ANXA8: variants seen among roughly 807,000 people sequenced by gnomAD.
ANXA8 encodes the protein VAC-beta.
A neutral mutation model predicts 26.8 loss-of-function variants in ANXA8; 9 were observed. The ratio of observed to expected loss-of-function variants is 0.34; its 90% CI spans 0.20 to 0.59. The LOEUF (loss-of-function observed/expected upper bound fraction) is 0.59. Among genes scored for constraint, ANXA8 ranks in the 20% least tolerant of loss-of-function variants. The probability of loss-of-function intolerance (pLI) is 0.84; values close to 1 mark genes in which losing one functional copy is unlikely to be tolerated. For synonymous variants in ANXA8, 39 were observed against 94.8 expected (o/e 0.41, Z 3.42); for missense variants, 83 against 238.5 (o/e 0.35, Z 4.29).
chr10:47,566,319 C>G, the ANXA8 span, among the ~76,000 whole-genome samples: 16 of 150,178 alleles, frequency 1.1e-4, no homozygotes, highest in African/African-American at 3.4e-4. Flanking sequence ...TCCCCCGCCC[C>G]AGAAAACACT....
the ANXA8 span, among the ~76,000 whole-genome samples, chr10:47,743,257 T>TAC: frequency 7.8e-6 from 1 of 128,726 alleles, no homozygotes; most frequent in Non-Finnish European, 1.6e-5. Flanking sequence ...TATATATATA[T>TAC]ATATATACAT....
chr10:47,518,660 CA>C, the ANXA8 span, among the ~76,000 whole-genome samples: 1 of 118,528 alleles, frequency 8.4e-6, no homozygotes, highest in South Asian at 2.8e-4. Context: ...GTGATCCACC[CA>C]CCTCAGCCTC....
chr10:47,937,124 C>G, the ANXA8 span, among the ~76,000 whole-genome samples: 1 of 149,842 alleles, frequency 6.7e-6, no homozygotes, highest in Non-Finnish European at 1.5e-5. Flanking sequence ...CCCAGATCAC[C>G]CCCTACAATG....
At chr10:47,554,036 C>G in the ANXA8 span, among the ~76,000 whole-genome samples, 1 of 148,524 alleles carries the variant, frequency 6.7e-6, no homozygotes, top group African/African-American at 2.5e-5. Context: ...TTTTGGGAGG[C>G]CGAGGCAGGA....
At chr10:47,485,439 A>G (rs1466424869), upstream of ANXA8, among the ~76,000 whole-genome samples, 2 of 152,000 alleles carry the variant, frequency 1.3e-5, no homozygotes, top group Non-Finnish European at 2.9e-5. Flanking sequence ...AAACCAGGAT[A>G]TAAGGTTCAG....
the ANXA8 span, chr10:47,569,763 T>TTTTGTTGTTTTGTTTTGTTTTG: frequency 1.3e-5 from 1 of 76,416 alleles, no homozygotes; most frequent in Non-Finnish European, 2.8e-5. Flanking sequence ...TTTTTTTTTT[T>TTTTGTTGTTTTGTTTTGTTTTG]TTTTTGAGAC....
the ANXA8 span, among the ~76,000 whole-genome samples, chr10:47,703,227 T>C: frequency 1.1e-3 from 170 of 151,884 alleles, 1 homozygote; most frequent in African/African-American, 4.0e-3. Flanking sequence ...GAGCTCTTCC[T>C]TCCAATGGAA....
At chr10:47,729,735 G>A in the ANXA8 span, among the ~76,000 whole-genome samples, 1 of 145,714 alleles carries the variant, frequency 6.9e-6, no homozygotes, top group Non-Finnish European at 1.5e-5. Flanking sequence ...TTGTGTCAGG[G>A]GGATCACATG....
chr10:47,605,056 G>A, the ANXA8 span, among the ~76,000 whole-genome samples: 1 of 150,336 alleles, frequency 6.7e-6, no homozygotes, highest in African/African-American at 2.5e-5. Context: ...CAGTGCATAG[G>A]GCATCTCTAC....
At chr10:47,585,619 G>T in the ANXA8 span, among the ~76,000 whole-genome samples, 1 of 146,404 alleles carries the variant, frequency 6.8e-6, no homozygotes. Context: ...CGGGACACAA[G>T]AAAATAAGTA....
chr10:47,566,592 C>T, the ANXA8 span, among the ~76,000 whole-genome samples: 1 of 146,562 alleles, frequency 6.8e-6, no homozygotes, highest in Non-Finnish European at 1.5e-5. Context: ...CCCCGCTGCC[C>T]GTTGCCCCAG....
chr10:47,940,450 C>G, the ANXA8 span, among the ~76,000 whole-genome samples: 2 of 147,320 alleles, frequency 1.4e-5, no homozygotes, highest in Non-Finnish European at 1.5e-5. Context: ...GCTCCAGCAA[C>G]AGCATGAAAA....
the ANXA8 span, among the ~76,000 whole-genome samples, chr10:47,697,422 C>T: frequency 1.3e-5 from 2 of 151,346 alleles, no homozygotes; most frequent in Non-Finnish European, 2.9e-5. Flanking sequence ...TGATAAAATG[C>T]TGAAGTATCA....
chr10:47,903,167 CCAAA>C, the ANXA8 span, among the ~76,000 whole-genome samples: 19,908 of 83,530 alleles, frequency 0.24, 4 homozygotes, highest in Non-Finnish European at 0.27. Context: ...ACTTAGCTTT[CCAAA>C]CAATCTGTCT....
chr10:47,530,445 T>G, the ANXA8 span, among the ~76,000 whole-genome samples: 8 of 148,526 alleles, frequency 5.4e-5, no homozygotes, highest in South Asian at 1.1e-3. Flanking sequence ...CCCAGCACTT[T>G]GGGAGGCTGA....
At chr10:47,501,609 T>C in the ANXA8 span, among the ~76,000 whole-genome samples, 1 of 139,914 alleles carries the variant, frequency 7.1e-6, no homozygotes, top group Admixed American at 7.3e-5. Flanking sequence ...CCTGAGAGGC[T>C]GAGGCAGGAG....
At chr10:47,555,239 G>A in the ANXA8 span, among the ~76,000 whole-genome samples, 31 of 151,878 alleles carry the variant, frequency 2.0e-4, 1 homozygote, top group African/African-American at 7.0e-4. Flanking sequence ...CTGAGACACC[G>A]CTCCTTTCCC....
At chr10:47,670,402 A>G in the ANXA8 span, among the ~76,000 whole-genome samples, 1 of 152,038 alleles carries the variant, frequency 6.6e-6, no homozygotes, top group Admixed American at 6.5e-5. Flanking sequence ...TGGATCATAT[A>G]TGGTAATTCT....
the ANXA8 span, among the ~76,000 whole-genome samples, chr10:47,533,185 T>TCACACA: frequency 0.024 from 2,460 of 102,060 alleles, 52 homozygotes; most frequent in Admixed American, 0.037. Context: ...TAAACACACA[T>TCACACA]CACACACACA....
Sources: allele counts gnomAD v4.1 joint callset (sites outside exome capture counted in the v4.1 genomes callset), GRCh38; gene constraint gnomAD v4.1.1; transcripts MANE v1.5; gene names NCBI Gene and HGNC (gene_info 2026-07-23, HGNC 2026-07-21).